The following RALGPS1 variants were observed in gnomAD, a reference collection of about 807,000 sequenced individuals.
RALGPS1 encodes ras-specific guanine nucleotide-releasing factor RalGPS1.
Under a neutral mutation model 78.8 loss-of-function variants are expected in RALGPS1, and 19 were observed. The observed-to-expected ratio is 0.24, with a 90% CI of 0.17 to 0.35. The LOEUF (loss-of-function observed/expected upper bound fraction) is 0.35. Ranked by LOEUF, RALGPS1 falls within the 10% of genes least tolerant of loss-of-function variation. The pLI is 1.00. For synonymous variants in RALGPS1, 228 were observed against 256.3 expected (o/e 0.89, Z 1.06); for missense variants, 454 against 688.3 (o/e 0.66, Z 3.81).
At chr9:127,178,577 C>A in intron 11 of RALGPS1, 1 of 817,854 alleles carries the variant, frequency 1.2e-6, no homozygotes, top group Non-Finnish European at 1.5e-6. Flanking sequence ...ATATCACTGC[C>A]TCGGGGAAGC....
chr9:127,023,128 C>A (rs1286252267), intron 4 of RALGPS1, among the ~76,000 whole-genome samples: 1 of 152,170 alleles, frequency 6.6e-6, no homozygotes, highest in South Asian at 2.1e-4. Flanking sequence ...TCATCACCAC[C>A]ACCACCATCA....
intron 8 of RALGPS1, among the ~76,000 whole-genome samples, chr9:127,135,517 G>C (rs997613848): frequency 6.6e-6 from 1 of 152,242 alleles, no homozygotes; most frequent in Non-Finnish European, 1.5e-5. Flanking sequence ...TTTGGCAATG[G>C]AGGAGCCAGG....
Position 127,212,142 on chromosome 9 carries a change from C to T in RALGPS1, c.1259C>T (p.Pro420Leu), listed in dbSNP as rs768682056. ...MSSGLESPTG[P>L]CICSLGNSAA... ...TAGTCTCTCCTCAGCCCCACCGGCCCGTGCATCTGTTCTCTGGGGAACTCC... is the reference window on the plus strand; with the variant it reads ...TAGTCTCTCCTCAGCCCCACCGGCCTGTGCATCTGTTCTCTGGGGAACTCC... Residue 420 changes from proline (P) to leucine (L), a missense_variant, in exon 15 of 19, where the codon CCG becomes CTG. Pro to Leu is a moderately conservative substitution (Grantham distance 98, BLOSUM62 -3). Transcript: ENST00000259351. The surrounding 1 kb of genome is among the most constrained non-coding windows in gnomAD (Gnocchi z 6.0). 28 of 1,612,712 alleles carry T rather than the reference C, an allele frequency of 1.7e-5. No homozygotes were observed. In the South Asian group the frequency reaches 2.1e-4, roughly 12 times the overall value.
At chr9:126,996,437 A>G (rs1412301947) in intron 4 of RALGPS1, among the ~76,000 whole-genome samples, 1 of 152,242 alleles carries the variant, frequency 6.6e-6, no homozygotes, top group Non-Finnish European at 1.5e-5. Context: ...TCTAGAAGAA[A>G]TGGATAAATT....
chr9:127,092,024 A>G (rs889303320), intron 8 of RALGPS1: 2 of 1,524,296 alleles, frequency 1.3e-6, no homozygotes, highest in African/African-American at 2.8e-5. Context: ...TCAGCCCTGG[A>G]TAGAGGGGCC....
intron 8 of RALGPS1, among the ~76,000 whole-genome samples, chr9:127,117,796 C>T (rs1321769106): frequency 6.6e-6 from 1 of 152,254 alleles, no homozygotes; most frequent in African/African-American, 2.4e-5. Context: ...GCCTTTCCCT[C>T]ATGGAGGTTG....
chr9:127,174,667 T>C (rs369242247), intron 10 of RALGPS1, 48 bp from the exon 11 acceptor site: 8 of 1,558,210 alleles, frequency 5.1e-6, no homozygotes, highest in Non-Finnish European at 7.1e-6. Flanking sequence ...CAGGTTCCTG[T>C]GTGGTAAACC....
In RALGPS1 at chr9:127,170,630, AC is replaced by A. The variant is rs2059523826; in HGVS notation, c.842+1860del. Among the ~76,000 whole-genome samples, 2 of 152,332 alleles carry A rather than the reference AC, an allele frequency of 1.3e-5. 1 individual carries two copies. Among genetic ancestry groups the A allele is most frequent in the South Asian group, 4.1e-4 (2 of 4,832 alleles). On this transcript the variant is annotated intron_variant, in intron 10 of 18. Transcript: ENST00000259351. ...CTGGGATAATATTTTCCATTTATGC[AC>A]CAGTATTGTGATAAAGGAGACAATG...
Position 127,220,993 on chromosome 9 carries a change from G to A in RALGPS1, c.*2224G>A, listed in dbSNP as rs564250433. 1.3e-5 allele frequency: 2 copies of A among 152,500 alleles called. No homozygotes were observed. Among genetic ancestry groups the A allele is most frequent in the African/African-American group, 2.4e-5 (1 of 41,404 alleles). 9.4% of individuals were successfully genotyped at this position (152,500 alleles called of 1,614,324 possible). ...TCTCACTAATTGAGTCTGCTTCCACGTCCTCTCCCAGGAACATTCTTAGCT... is the reference window on the plus strand; with the variant it reads ...TCTCACTAATTGAGTCTGCTTCCACATCCTCTCCCAGGAACATTCTTAGCT... On this transcript the variant is annotated 3_prime_UTR_variant, in exon 19 of 19. Coordinates refer to ENST00000259351, the MANE Select transcript of RALGPS1 (RefSeq NM_014636.3).
chr9:127,137,744 T>C (rs2057498833), intron 8 of RALGPS1, among the ~76,000 whole-genome samples: 1 of 152,222 alleles, frequency 6.6e-6, no homozygotes. Flanking sequence ...GGGAGATACA[T>C]GGCGTGAGCA....
chr9:127,135,951 T>A (rs2057365356), intron 8 of RALGPS1, among the ~76,000 whole-genome samples: 2 of 152,228 alleles, frequency 1.3e-5, no homozygotes, highest in South Asian at 2.1e-4. Flanking sequence ...AGTTACAGAA[T>A]CTGGCCCAGA....
chr9:127,010,456 T>G (rs2133879864), intron 4 of RALGPS1, among the ~76,000 whole-genome samples: 1 of 152,332 alleles, frequency 6.6e-6, no homozygotes, highest in African/African-American at 2.4e-5. Flanking sequence ...CACCCCTGGC[T>G]GGGGTTGAGG....
chr9:127,093,348 G>A (rs943405992), intron 8 of RALGPS1, among the ~76,000 whole-genome samples: 13 of 152,142 alleles, frequency 8.5e-5, no homozygotes, highest in Admixed American at 3.3e-4. Flanking sequence ...TGGGACTTGC[G>A]CCTTCTGGGC....
At chr9:126,978,820 T>A (rs1360183142) in intron 4 of RALGPS1, among the ~76,000 whole-genome samples, 4 of 152,174 alleles carry the variant, frequency 2.6e-5, no homozygotes, top group Non-Finnish European at 4.4e-5. Context: ...CACGTTTACA[T>A]GATCTTTAAG....
At chr9:127,098,746 T>G (rs1044207472) in intron 8 of RALGPS1, among the ~76,000 whole-genome samples, 1 of 152,158 alleles carries the variant, frequency 6.6e-6, no homozygotes, top group Admixed American at 6.5e-5. Flanking sequence ...CCCACTTGAT[T>G]GATGGCTGAT....
At chr9:126,999,760 A>G (rs536910958) in intron 4 of RALGPS1, among the ~76,000 whole-genome samples, 4 of 152,368 alleles carry the variant, frequency 2.6e-5, no homozygotes, top group African/African-American at 4.8e-5. Flanking sequence ...AGTTTCGGCA[A>G]TTATGAATAA....
At chr9:127,158,496 G>A (rs931227349) in intron 8 of RALGPS1, among the ~76,000 whole-genome samples, 8 of 151,782 alleles carry the variant, frequency 5.3e-5, no homozygotes, top group East Asian at 1.9e-4. Flanking sequence ...TCATATCCCC[G>A]CTCTCATCCC....
At chr9:126,920,723 A>C (rs778008924) in intron 1 of RALGPS1, among the ~76,000 whole-genome samples, 7 of 152,166 alleles carry the variant, frequency 4.6e-5, no homozygotes, top group Non-Finnish European at 1.0e-4. Context: ...CTTTGGGCTC[A>C]ACCTTGTAAT....
chr9:127,022,739 C>T (rs1204016882), intron 4 of RALGPS1, among the ~76,000 whole-genome samples: 1 of 152,148 alleles, frequency 6.6e-6, no homozygotes, highest in Non-Finnish European at 1.5e-5. Flanking sequence ...CCCTAGATAC[C>T]TGCAGAGCAT....
Sources: gnomAD v4.1 joint callset for allele counts (sites outside exome capture counted in the v4.1 genomes callset) on GRCh38, gnomAD v4.1.1 for gene constraint, Gnocchi (gnomAD v3.1) non-coding constraint, MANE v1.5 for transcripts, NCBI Gene and HGNC (gene_info 2026-07-23, HGNC 2026-07-21) for gene names.